Variants in TRPM7 observed in about 807,000 individuals in gnomAD.
TRPM7 encodes the protein transient receptor potential cation channel subfamily M member 7, also known as LTRPC ion channel family member 7.
A neutral mutation model predicts 229.7 loss-of-function variants in TRPM7; 134 were observed. The ratio of observed to expected loss-of-function variants is 0.58; its 90% CI spans 0.51 to 0.67. The LOEUF (loss-of-function observed/expected upper bound fraction) is 0.67. TRPM7 is among the 30% of genes least tolerant of loss of function. The pLI is 0.00. For missense variants in TRPM7, 1,901 were observed against 2,210.0 expected, an observed-to-expected ratio of 0.86 and a Z score of 2.80; for synonymous variants, 699 against 715.2, an observed-to-expected ratio of 0.98 and a Z score of 0.36.
In TRPM7 at chr15:50,575,963, G is replaced by A. The variant is rs770276621; in HGVS notation, c.4619-44C>T. 4.4e-6 allele frequency: 7 copies of A among 1,579,858 alleles called. No homozygotes were observed. In the East Asian group the frequency reaches 1.1e-4, roughly 25 times the overall value. On this transcript the variant is annotated intron_variant, in intron 31 of 38. Transcript: ENST00000646667. Reference sequence around the variant, plus strand: ...AAACGAGACCATTTAAAAAGTACTAGTACAGCAAAAATTTTAACCCGGATA... The same window carrying A: ...AAACGAGACCATTTAAAAAGTACTAATACAGCAAAAATTTTAACCCGGATA...
At chr15:50,629,954 C>T (rs1174963403) in intron 10 of TRPM7, among the ~76,000 whole-genome samples, 2 of 146,356 alleles carry the variant, frequency 1.4e-5, no homozygotes, top group African/African-American at 2.5e-5. Context: ...CTCTGCCTTC[C>T]GGGTTCAAGC....
At chr15:50,584,266 G>A (rs2054574387) in intron 28 of TRPM7, among the ~76,000 whole-genome samples, 1 of 152,110 alleles carries the variant, frequency 6.6e-6, no homozygotes, top group African/African-American at 2.4e-5. Flanking sequence ...ACCAGACTGA[G>A]ATATATTAGA....
chr15:50,668,929 C>G (rs1262240698), intron 1 of TRPM7, among the ~76,000 whole-genome samples: 2 of 152,198 alleles, frequency 1.3e-5, no homozygotes, highest in Non-Finnish European at 2.9e-5. Context: ...TTAAAGGAAT[C>G]AAACTTGACT....
chr15:50,640,453 CTTTT>C (rs71124399), intron 5 of TRPM7, among the ~76,000 whole-genome samples: 6 of 131,410 alleles, frequency 4.6e-5, no homozygotes, highest in South Asian at 2.5e-4. Context: ...ATTTTTTTTT[CTTTT>C]TTTTTTTTTT....
intron 38 of TRPM7, among the ~76,000 whole-genome samples, chr15:50,562,361 C>T (rs537509730): frequency 9.9e-5 from 15 of 152,116 alleles, no homozygotes; most frequent in African/African-American, 2.4e-4. Flanking sequence ...CTCATGTAGG[C>T]GTGGGAATGT....
At chr15:50,681,797 A>T (rs1376513073) in intron 1 of TRPM7, among the ~76,000 whole-genome samples, 1 of 152,228 alleles carries the variant, frequency 6.6e-6, no homozygotes, top group Non-Finnish European at 1.5e-5. Flanking sequence ...AGGGGTAAAC[A>T]GTGTTTCACA....
In TRPM7 at chr15:50,654,589, AG is replaced by A. The variant is rs2061506145; in HGVS notation, c.122+3191del. Among the ~76,000 whole-genome samples the A allele has an allele frequency of 1.3e-5, 2 of 151,640 alleles. 1 individual carries two copies. The highest frequency in any genetic ancestry group is 3.0e-5 in the Non-Finnish European group (2 of 67,770). On this transcript the variant is annotated intron_variant, in intron 3 of 38. Coordinates refer to ENST00000646667, the MANE Select transcript of TRPM7 (RefSeq NM_017672.6). ...ATTATAAATATGCTGAAGGGCATAC[AG>A]GAATAGACAGTCATAATGAGAGTGC...
intron 5 of TRPM7, among the ~76,000 whole-genome samples, chr15:50,641,906 A>G (rs1313910874): frequency 6.6e-6 from 1 of 151,896 alleles, no homozygotes. Flanking sequence ...AGGCTGACAC[A>G]TGAGAATCAC....
intron 1 of TRPM7, 65 bp from the exon 2 acceptor site, chr15:50,663,111 C>A: frequency 1.7e-6 from 2 of 1,205,332 alleles, no homozygotes; most frequent in Non-Finnish European, 1.2e-6. Flanking sequence ...GAAACAATTT[C>A]ATGATAAACA....
chr15:50,616,072 A>C (rs1014205280), intron 13 of TRPM7, among the ~76,000 whole-genome samples: 3 of 152,270 alleles, frequency 2.0e-5, no homozygotes, highest in South Asian at 4.1e-4. Flanking sequence ...AATGTCACCT[A>C]TGATATTCTT....
intron 1 of TRPM7, among the ~76,000 whole-genome samples, chr15:50,663,504 T>C (rs2061789238): frequency 6.6e-6 from 1 of 152,144 alleles, no homozygotes; most frequent in Non-Finnish European, 1.5e-5. Context: ...CCCCAAAACG[T>C]CAGAATAATT....
intron 1 of TRPM7, among the ~76,000 whole-genome samples, chr15:50,666,058 T>C (rs1035472456): frequency 2.0e-5 from 3 of 151,406 alleles, no homozygotes; most frequent in Admixed American, 6.6e-5. Context: ...TAAAAACATA[T>C]TGAAAGAATA....
intron 23 of TRPM7, among the ~76,000 whole-genome samples, chr15:50,595,173 A>T (rs1045633573): frequency 6.6e-6 from 1 of 152,146 alleles, no homozygotes; most frequent in Admixed American, 6.6e-5. Flanking sequence ...ACTGCACTCC[A>T]GCCTGGGCAA....
At chr15:50,602,730 A>G (rs2059814040) in intron 21 of TRPM7, among the ~76,000 whole-genome samples, 1 of 152,204 alleles carries the variant, frequency 6.6e-6, no homozygotes, top group Admixed American at 6.5e-5. Context: ...TAGATACACA[A>G]TGACGAAATA....
chr15:50,592,379 G>T lies in TRPM7; in HGVS notation c.3856C>A (p.Pro1286Thr). The change falls in exon 26 of 39, where the codon CCT (proline) becomes ACT (threonine). Residue 1286 changes from proline (P) to threonine (T), a missense_variant. By Grantham distance (38) the Pro-to-Thr change is conservative (BLOSUM62 -1). Around this residue, in one of 8 missense-constraint regions of TRPM7, gnomAD observed 533 missense variants for 497.1 expected, o/e 1.07. Transcript: ENST00000646667. ...ACACCATGCTTTTTCCATACAGAAG[G>T]TCTTACAGGACCATCATCAATAAGG... is the stretch of plus-strand genomic sequence containing the variant. ...QNLIDDGPVR[P>T]SVWKKHGVVN... 2 of 1,614,116 alleles carry T rather than the reference G, an allele frequency of 1.2e-6. No individual in the cohort carries two copies. Among genetic ancestry groups the T allele is most frequent in the South Asian group, 1.1e-5 (1 of 91,082 alleles).
chr15:50,587,876 A>G (rs2059383148), intron 27 of TRPM7, among the ~76,000 whole-genome samples: 1 of 152,196 alleles, frequency 6.6e-6, no homozygotes, highest in African/African-American at 2.4e-5. Context: ...CAGATATTCC[A>G]TATGTCATAT....
chr15:50,570,565 A>T (rs1054644724), intron 36 of TRPM7, among the ~76,000 whole-genome samples: 1 of 151,940 alleles, frequency 6.6e-6, no homozygotes. Flanking sequence ...GGGATTGGCC[A>T]GGCGCAGTGG....
chr15:50,660,186 A>C (rs1380716976), intron 2 of TRPM7, among the ~76,000 whole-genome samples: 2 of 152,306 alleles, frequency 1.3e-5, no homozygotes, highest in East Asian at 3.9e-4. Flanking sequence ...AATCAGAATA[A>C]ATCATAGACT....
intron 2 of TRPM7, among the ~76,000 whole-genome samples, chr15:50,658,241 G>C (rs1454635797): frequency 6.6e-6 from 1 of 151,962 alleles, no homozygotes; most frequent in Admixed American, 6.6e-5. Flanking sequence ...TCCTGACCTT[G>C]TGATCCACCT....
Sources: allele counts gnomAD v4.1 joint callset (sites outside exome capture counted in the v4.1 genomes callset), GRCh38; gene constraint gnomAD v4.1.1; regional missense constraint gnomAD v4.1.1; transcripts MANE v1.5; gene names NCBI Gene and HGNC (gene_info 2026-07-23, HGNC 2026-07-21).